ANXA10: variants seen among roughly 807,000 people sequenced by gnomAD.
The protein encoded by ANXA10 is annexin 14.
A neutral mutation model predicts 53.5 loss-of-function variants in ANXA10; 49 were observed. The observed-to-expected ratio is 0.92, with a 90% CI of 0.73 to 1.16. The LOEUF is 1.16. Ranked by LOEUF, ANXA10 falls within the 50% of genes most tolerant of loss-of-function variation. ANXA10 has a pLI of 0.00. For missense variants in ANXA10, 393 were observed against 394.4 expected (o/e 1.00, Z 0.03); for synonymous variants, 131 against 128.9 (o/e 1.02, Z -0.11).
At chr4:168,134,034 T>C (rs111411282) in intron 2 of ANXA10, among the ~76,000 whole-genome samples, 1,733 of 152,154 alleles carry the variant, frequency 0.011, 12 homozygotes, top group South Asian at 0.019. Context: ...AAAAAGTTAC[T>C]TAATATTATA....
chr4:168,117,805 T>C (rs559206918), intron 1 of ANXA10, among the ~76,000 whole-genome samples: 42 of 152,220 alleles, frequency 2.8e-4, no homozygotes, highest in African/African-American at 9.9e-4. Context: ...CACTTCAGGG[T>C]TACAGGTGGC....
chr4:168,171,104 T>C (rs920541981), intron 6 of ANXA10, among the ~76,000 whole-genome samples: 2 of 152,172 alleles, frequency 1.3e-5, no homozygotes, highest in African/African-American at 4.8e-5. Context: ...AATAATGGGA[T>C]TGTAAAAGTC....
chr4:168,110,280 C>A (rs532499887), intron 1 of ANXA10, among the ~76,000 whole-genome samples: 75 of 152,094 alleles, frequency 4.9e-4, no homozygotes, highest in Non-Finnish European at 1.0e-3. Flanking sequence ...AACCTGTTAA[C>A]CAACTGATAG....
At chr4:168,095,068 A>G (rs1410612662) in intron 1 of ANXA10, among the ~76,000 whole-genome samples, 2 of 152,106 alleles carry the variant, frequency 1.3e-5, no homozygotes, top group Admixed American at 1.3e-4. Flanking sequence ...TAGCTCTCTT[A>G]GAATGGAGGA....
intron 1 of ANXA10, among the ~76,000 whole-genome samples, chr4:168,127,461 C>A (rs1731086964): frequency 6.6e-6 from 1 of 151,964 alleles, no homozygotes; most frequent in South Asian, 2.1e-4. Context: ...GTAGCAGGTA[C>A]CATTTCTAAT....
chr4:168,149,181 T>C (rs1731453995), intron 3 of ANXA10, among the ~76,000 whole-genome samples: 1 of 152,190 alleles, frequency 6.6e-6, no homozygotes, highest in Non-Finnish European at 1.5e-5. Flanking sequence ...ATTCACGTAT[T>C]CTGGAAGACT....
At chr4:168,181,552 T>C (rs1732245902) in intron 9 of ANXA10, 131 bp from the exon 10 acceptor site, 4 of 753,468 alleles carry the variant, frequency 5.3e-6, no homozygotes, top group East Asian at 2.5e-5. Flanking sequence ...AGTGTTACCA[T>C]TATTCTAAGT....
Position 168,155,970 on chromosome 4 carries a change from TATATG to T in ANXA10, c.196-6553_196-6549del, listed in dbSNP as rs1309670238. Among the ~76,000 whole-genome samples the T allele has an allele frequency of 7.6e-4, 8 of 10,490 alleles. 1 individual carries two copies. The highest frequency in any genetic ancestry group is 9.8e-3 in the South Asian group (1 of 102). 6.9% of individuals were successfully genotyped at this position (10,490 alleles called of 152,430 possible). ...ATATATGATATATCATATATTATATTATATGATATATCATATATTATACATAATTT... is the reference window on the plus strand; with the variant it reads ...ATATATGATATATCATATATTATATTATATATCATATATTATACATAATTT... On this transcript the variant is annotated intron_variant, in intron 3 of 11. Coordinates refer to ENST00000359299, the MANE Select transcript of ANXA10 (RefSeq NM_007193.5).
intron 7 of ANXA10, 21 bp downstream of exon 7, chr4:168,177,814 G>A: frequency 3.7e-6 from 6 of 1,614,128 alleles, no homozygotes; most frequent in Non-Finnish European, 4.2e-6. Context: ...CCAGTTCTCA[G>A]ACTGACTGCA....
At chr4:168,158,650 T>G (rs1193817319) in intron 3 of ANXA10, among the ~76,000 whole-genome samples, 1 of 152,158 alleles carries the variant, frequency 6.6e-6, no homozygotes, top group Non-Finnish European at 1.5e-5. Flanking sequence ...GGATAAGCAT[T>G]TAGTTTTTCA....
At chr4:168,155,794 A>ATATTATATATCATATATAATATATG (rs1560783750) in intron 3 of ANXA10, among the ~76,000 whole-genome samples, 3 of 25,054 alleles carry the variant, frequency 1.2e-4, no homozygotes, top group African/African-American at 5.4e-4. Flanking sequence ...TATTATATAT[A>ATATTATATATCATATATAATATATG]ATATATAATA....
chr4:168,153,904 G>T (rs1288683354), intron 3 of ANXA10, among the ~76,000 whole-genome samples: 1 of 151,732 alleles, frequency 6.6e-6, no homozygotes, highest in Non-Finnish European at 1.5e-5. Flanking sequence ...GATGATATCT[G>T]ATATTGTTTA....
chr4:168,161,458 T>C (rs1578926995), intron 3 of ANXA10, among the ~76,000 whole-genome samples: 1 of 152,238 alleles, frequency 6.6e-6, no homozygotes, highest in East Asian at 1.9e-4. Flanking sequence ...TTTTGATTAC[T>C]GTAGCCTTGT....
At chr4:168,139,653 ATTT>A in intron 3 of ANXA10, 73 bp downstream of exon 3, 2 of 1,081,742 alleles carry the variant, frequency 1.8e-6, no homozygotes. Context: ...GATAATAGGT[ATTT>A]TTTTTTTCAA....
intron 2 of ANXA10, among the ~76,000 whole-genome samples, chr4:168,134,773 T>C (rs1210213102): frequency 6.6e-6 from 1 of 152,164 alleles, no homozygotes; most frequent in Non-Finnish European, 1.5e-5. Flanking sequence ...ATTCTAGGCC[T>C]TCCTCCCTCC....
intron 10 of ANXA10, among the ~76,000 whole-genome samples, chr4:168,182,060 A>G (rs531288139): frequency 6.6e-6 from 1 of 152,250 alleles, no homozygotes; most frequent in South Asian, 2.1e-4. Flanking sequence ...CCCACATCAG[A>G]CTTATGCAAG....
At chr4:168,121,382 A>G (rs1730982948) in intron 1 of ANXA10, among the ~76,000 whole-genome samples, 1 of 152,190 alleles carries the variant, frequency 6.6e-6, no homozygotes, top group Admixed American at 6.5e-5. Context: ...TTACAATAGT[A>G]AAATTATATT....
intron 3 of ANXA10, among the ~76,000 whole-genome samples, chr4:168,152,904 G>A (rs1731522138): frequency 6.6e-6 from 1 of 151,688 alleles, no homozygotes; most frequent in African/African-American, 2.4e-5. Flanking sequence ...AGTGCCACGG[G>A]ACAATCACAG....
intron 1 of ANXA10, among the ~76,000 whole-genome samples, chr4:168,122,861 C>G (rs1731010144): frequency 6.6e-6 from 1 of 152,106 alleles, no homozygotes; most frequent in African/African-American, 2.4e-5. Context: ...GCCCACATTT[C>G]AACAGGAGAT....
Sources: allele counts gnomAD v4.1 joint callset (sites outside exome capture counted in the v4.1 genomes callset), GRCh38; gene constraint gnomAD v4.1.1; transcripts MANE v1.5; gene names NCBI Gene and HGNC (gene_info 2026-07-23, HGNC 2026-07-21).